RDX: variants seen among roughly 807,000 people sequenced by gnomAD.
The protein encoded by RDX is deafness, autosomal recessive 24.
RDX carries 32 observed loss-of-function variants against 83.7 expected under a neutral mutation model. The observed-to-expected ratio is 0.38, with a 90% CI of 0.29 to 0.51. The LOEUF is 0.51. RDX is among the 20% of genes least tolerant of loss of function. The pLI is 0.87. For missense variants in RDX, 600 were observed against 689.9 expected, an observed-to-expected ratio of 0.87 and a Z score of 1.46; for synonymous variants, 229 against 222.7, an observed-to-expected ratio of 1.03 and a Z score of -0.25.
At chr11:110,186,546 AT>A (rs1862991381) in intron 15 of RDX, among the ~76,000 whole-genome samples, 4 of 152,064 alleles carry the variant, frequency 2.6e-5, no homozygotes, top group Admixed American at 2.6e-4. Context: ...GAAAATGGGA[AT>A]CCATCAGCAT....
At chr11:110,191,467 G>A (rs1252215926) in intron 15 of RDX, among the ~76,000 whole-genome samples, 1 of 152,210 alleles carries the variant, frequency 6.6e-6, no homozygotes, top group Non-Finnish European at 1.5e-5. Flanking sequence ...ACACTGAACA[G>A]GCAAAAGCTG....
chr11:110,228,103 T>C (rs375908240), downstream of RDX, among the ~76,000 whole-genome samples: 3 of 152,036 alleles, frequency 2.0e-5, no homozygotes, highest in Admixed American at 6.6e-5. Flanking sequence ...TACATGGACA[T>C]AGTAAGAAGT....
chr11:110,201,132 G>A (rs1863384309), intron 14 of RDX, among the ~76,000 whole-genome samples: 1 of 149,608 alleles, frequency 6.7e-6, no homozygotes, highest in Non-Finnish European at 1.5e-5. Context: ...GCCAAGATCG[G>A]GCCATTACAC....
intron 2 of RDX, among the ~76,000 whole-genome samples, chr11:110,275,494 C>A (rs1359226387): frequency 3.9e-5 from 6 of 152,092 alleles, no homozygotes; most frequent in Admixed American, 3.9e-4. Context: ...TTGTCATAGA[C>A]CAATGGAAAA....
chr11:110,190,409 GT>G (rs1355560128), intron 15 of RDX, among the ~76,000 whole-genome samples: 2 of 152,186 alleles, frequency 1.3e-5, no homozygotes, highest in African/African-American at 2.4e-5. Context: ...AGCCGAGACT[GT>G]GCCACTGTAC....
chr11:110,227,291 A>G (rs1864466730), downstream of RDX, among the ~76,000 whole-genome samples: 2 of 152,184 alleles, frequency 1.3e-5, no homozygotes, highest in African/African-American at 2.4e-5. Flanking sequence ...ATAGTCACAT[A>G]AATAATCTCA....
intron 1 of RDX, among the ~76,000 whole-genome samples, chr11:110,289,238 C>CAAAAAAAAAAAAAAAAAAAAAAAAAAAAA (rs753424624): frequency 1.8e-5 from 1 of 54,360 alleles, no homozygotes. Context: ...AACTCTATCT[C>CAAAAAAAAAAAAAAAAAAAAAAAAAAAAA]AAAAAAAAAA....
At chr11:110,194,105 G>A (rs1202876498) in intron 15 of RDX, among the ~76,000 whole-genome samples, 2 of 152,224 alleles carry the variant, frequency 1.3e-5, no homozygotes, top group East Asian at 1.9e-4. Flanking sequence ...ATTAAAAGGT[G>A]AGAGTAAGAA....
intron 2 of RDX, chr11:110,273,183 A>T (rs1464359352): frequency 4.6e-6 from 2 of 439,412 alleles, no homozygotes; most frequent in South Asian, 3.3e-5. Flanking sequence ...ACTGAACTTC[A>T]GCCTGCACAA....
chr11:110,293,660 T>C (rs1209682583), intron 1 of RDX, among the ~76,000 whole-genome samples: 1 of 152,180 alleles, frequency 6.6e-6, no homozygotes, highest in African/African-American at 2.4e-5. Context: ...CCACTGAATC[T>C]TGTACCCCAG....
chr11:110,280,879 C>A (rs1218810969), intron 1 of RDX, among the ~76,000 whole-genome samples: 1 of 151,764 alleles, frequency 6.6e-6, no homozygotes, highest in East Asian at 1.9e-4. Context: ...GATGCCATAA[C>A]TAAGGCTGGG....
At chr11:110,239,695 C>T (rs559042157) in intron 10 of RDX, among the ~76,000 whole-genome samples, 1 of 151,698 alleles carries the variant, frequency 6.6e-6, no homozygotes, top group African/African-American at 2.4e-5. Flanking sequence ...GTGGCTCACG[C>T]CTGTAAATCC....
chr11:110,201,677 G>C (rs558464888), intron 14 of RDX, among the ~76,000 whole-genome samples: 51 of 152,328 alleles, frequency 3.3e-4, no homozygotes, highest in Middle Eastern at 3.4e-3. Context: ...TATATATCAA[G>C]TTATAGCAAG....
intron 14 of RDX, among the ~76,000 whole-genome samples, chr11:110,224,230 AAAAC>A (rs1252731712): frequency 2.0e-5 from 3 of 151,712 alleles, no homozygotes; most frequent in Admixed American, 6.6e-5. Context: ...TTAAAAAAAA[AAAAC>A]AAAAAAACAA....
chr11:110,291,356 A>G (rs1861235212), intron 1 of RDX, among the ~76,000 whole-genome samples: 2 of 152,078 alleles, frequency 1.3e-5, no homozygotes, highest in Admixed American at 1.3e-4. Flanking sequence ...ACAGGGAAAA[A>G]GGGAGGGACG....
At chr11:110,203,633 T>A (rs1373310643) in intron 14 of RDX, among the ~76,000 whole-genome samples, 4 of 151,876 alleles carry the variant, frequency 2.6e-5, no homozygotes, top group Non-Finnish European at 5.9e-5. Flanking sequence ...ATATCTCATG[T>A]CCCCCATAAA....
At chr11:110,238,977 G>A (rs12575162) in intron 10 of RDX, among the ~76,000 whole-genome samples, 67,055 of 150,384 alleles carry the variant, frequency 0.45, 15,133 homozygotes, top group East Asian at 0.61. Context: ...GAGAGGGTTG[G>A]AGAAGAATGA....
chr11:110,263,994 C>T lies in RDX; in HGVS notation c.433G>A (p.Gly145Ser). The change falls in exon 5 of 14, where the codon GGC becomes AGC. Residue 145 changes from glycine (G) to serine (S), a missense_variant. Gly to Ser is a moderately conservative substitution (Grantham distance 56). Transcript: ENST00000645495. ...GDYNKEIHKPGYLANDRLLPQ... is the reference protein window; with the variant it reads ...GDYNKEIHKPSYLANDRLLPQ... ...AGGAGTCTATCATTAGCCAGGTAGC[C>T]TGGCTTATGAATCTCTTTATTGTAA... 1 of 1,613,806 alleles carries T rather than the reference C, an allele frequency of 6.2e-7. No homozygotes were observed. Among genetic ancestry groups the T allele is most frequent in the South Asian group, 1.1e-5 (1 of 91,070 alleles).
chr11:110,203,068 C>T (rs778083809), intron 14 of RDX, among the ~76,000 whole-genome samples: 4 of 152,136 alleles, frequency 2.6e-5, no homozygotes, highest in Admixed American at 6.5e-5. Context: ...CCCATATTAA[C>T]TGCAACACTA....
Sources: allele counts gnomAD v4.1 joint callset (sites outside exome capture counted in the v4.1 genomes callset), GRCh38; gene constraint gnomAD v4.1.1; transcripts MANE v1.5; gene names NCBI Gene and HGNC (gene_info 2026-07-23, HGNC 2026-07-21).